The following TRIM3 variants were observed in gnomAD, a reference collection of about 807,000 sequenced individuals.
TRIM3 encodes tripartite motif-containing protein 3.
TRIM3 carries 13 observed loss-of-function variants against 66.6 expected under a neutral mutation model. That is an observed-to-expected ratio of 0.20 (90% confidence interval 0.13 to 0.31). The LOEUF (loss-of-function observed/expected upper bound fraction) is 0.31. Among genes scored for constraint, TRIM3 ranks in the 10% least tolerant of loss-of-function variants. TRIM3 has a pLI of 1.00. For missense variants in TRIM3, 711 were observed against 1,020.4 expected, an observed-to-expected ratio of 0.70 and a Z score of 4.13; for synonymous variants, 406 against 411.7, an observed-to-expected ratio of 0.99 and a Z score of 0.17.
rs144485396 is a variant in TRIM3 at position 6,457,796 on chromosome 11, G to C, written c.415C>G (p.Arg139Gly). 1.2e-6 allele frequency: 2 copies of C among 1,614,146 alleles called. No individual in the cohort carries two copies. The highest frequency in any genetic ancestry group is 1.7e-6 in the Non-Finnish European group (2 of 1,180,018). ...ACETAMCGECRAGEHREHGTV... is the reference protein window; with the variant it reads ...ACETAMCGECGAGEHREHGTV... ...CCATGCTCACGATGCTCCCCGGCGC[G>C]GCACTCACCACACATGGCCGTCTCA... Residue 139 changes from arginine (R) to glycine (G), a missense_variant, in exon 4 of 12, where the codon CGC becomes GGC. Physicochemically the swap from Arg to Gly is moderately radical, Grantham distance 125. Around this residue, in one of 3 missense-constraint regions of TRIM3, gnomAD observed 149 missense variants for 240.3 expected, o/e 0.62. Coordinates refer to ENST00000345851, the MANE Select transcript of TRIM3 (RefSeq NM_033278.4). The surrounding 1 kb of genome is among the most constrained non-coding windows in gnomAD (Gnocchi z 4.5).
rs1849641312 is a variant in TRIM3 at position 6,449,672 on chromosome 11, A to G, written c.1942-226T>C. 2.1e-6 allele frequency: 1 copy of G among 468,984 alleles called. No homozygotes were observed. The highest frequency in any genetic ancestry group is 3.7e-5 in the Admixed American group (1 of 26,768). 29.1% of individuals were successfully genotyped at this position (468,984 alleles called of 1,614,324 possible). A position where few individuals can be genotyped will look rare whatever the true frequency, so the allele number is the denominator to read the frequency against. ...ATCTAACAGCTCATTTTCTTTGGGA[A>G]ATCAGTTCTCTTAGTTCTCTATCTC... On this transcript the variant is annotated intron_variant, in intron 10 of 11. Coordinates refer to ENST00000345851, the MANE Select transcript of TRIM3 (RefSeq NM_033278.4). The surrounding 1 kb of genome is among the most constrained non-coding windows in gnomAD (Gnocchi z 5.3).
Position 6,450,193 on chromosome 11 carries a change from T to C in TRIM3, c.1941+358A>G. ...CCTTCCATTTAATTCCCACTTGTGC[T>C]TGAGGTCCTCCTCATATAGTCTTTC... On this transcript the variant is annotated intron_variant, in intron 10 of 11. Transcript: ENST00000345851. This position sits in a 1 kb window ranked among gnomAD's most constrained non-coding sequence, Gnocchi z 4.8. 4.6e-6 allele frequency: 1 copy of C among 219,688 alleles called. No individual in the cohort carries two copies. Among genetic ancestry groups the C allele is most frequent in the Non-Finnish European group, 9.0e-6 (1 of 110,728 alleles). The allele number at this position is 219,688 out of a possible 1,614,324, so 13.6% of individuals were successfully genotyped here.
In TRIM3 at chr11:6,458,074, A is replaced by G. The variant is rs1850074244; in HGVS notation, c.354T>C (p.His118=). Residue 118 remains histidine (H), a synonymous_variant, in exon 3 of 12, where the codon CAT becomes CAC. Coordinates refer to ENST00000345851, the MANE Select transcript of TRIM3 (RefSeq NM_033278.4). This position sits in a 1 kb window ranked among gnomAD's most constrained non-coding sequence, Gnocchi z 6.2. ...CCTCGCTTGGGCCCACCTTGCCTTC[A>G]TGGTTGGGGCAGGAGAGAGGGCGGC... The part of the protein sequence containing the change: ...VAGRPLSCPN[H]EGKTMEFYCE... 2.5e-6 allele frequency: 4 copies of G among 1,602,874 alleles called. No homozygotes were observed. The highest frequency in any genetic ancestry group is 3.4e-6 in the Non-Finnish European group (4 of 1,174,424).
chr11:6,462,580 A>C (rs1250503414), intron 2 of TRIM3, among the ~76,000 whole-genome samples: 3 of 151,648 alleles, frequency 2.0e-5, no homozygotes, highest in Non-Finnish European at 4.4e-5. Flanking sequence ...GCTAATTTTT[A>C]AATTCTTTTT....
chr11:6,466,333 C>A (rs1263614692), intron 1 of TRIM3, among the ~76,000 whole-genome samples: 1 of 152,198 alleles, frequency 6.6e-6, no homozygotes, highest in Non-Finnish European at 1.5e-5. Flanking sequence ...TTCAGGCAAC[C>A]ATCTGTTCTC....
Position 6,456,694 on chromosome 11 carries a change from A to G in TRIM3, c.1032T>C (p.Thr344=). The G allele has an allele frequency of 6.2e-7, 1 of 1,606,506 alleles. No homozygotes were observed. The highest frequency in any genetic ancestry group is 1.7e-4 in the Middle Eastern group (1 of 6,052). Residue 344 remains threonine (T), a synonymous_variant, in exon 6 of 12, where the codon ACT becomes ACC. Coordinates refer to ENST00000345851, the MANE Select transcript of TRIM3 (RefSeq NM_033278.4). The surrounding 1 kb of genome is among the most constrained non-coding windows in gnomAD (Gnocchi z 6.4). ...QALVGQPASL[T]VTTKDKDGRL... is the part of the protein sequence containing the mutation. Reference sequence around the variant, plus strand: ...GCCCGTCCTTGTCTTTGGTAGTGACAGTGAGCGAGGCAGGCTGGCCCACTA... The same window carrying G: ...GCCCGTCCTTGTCTTTGGTAGTGACGGTGAGCGAGGCAGGCTGGCCCACTA...
At chr11:6,470,364 G>A (rs1036519989) in intron 1 of TRIM3, among the ~76,000 whole-genome samples, 2 of 152,216 alleles carry the variant, frequency 1.3e-5, no homozygotes, top group Non-Finnish European at 2.9e-5. Flanking sequence ...TGGATGAGAG[G>A]GTGATAAGTT....
chr11:6,471,441 C>T (rs1427400178), intron 1 of TRIM3, among the ~76,000 whole-genome samples: 1 of 152,164 alleles, frequency 6.6e-6, no homozygotes, highest in African/African-American at 2.4e-5. Flanking sequence ...GCCAATGAAT[C>T]CTTTAAATAA....
intron 2 of TRIM3, among the ~76,000 whole-genome samples, chr11:6,459,215 T>C (rs1271884646): frequency 1.3e-5 from 2 of 152,148 alleles, no homozygotes; most frequent in African/African-American, 2.4e-5. Flanking sequence ...AGAAGCAGCA[T>C]AGTATGAATA....
At chr11:6,452,670 A>T (rs1849779484) in intron 7 of TRIM3, 1 of 152,252 alleles carries the variant, frequency 6.6e-6, no homozygotes, top group Non-Finnish European at 1.5e-5. Context: ...CCCCTGTGGC[A>T]GGACAGCACT....
chr11:6,460,960 C>T (rs1267716657), intron 2 of TRIM3, among the ~76,000 whole-genome samples: 1 of 121,646 alleles, frequency 8.2e-6, no homozygotes, highest in African/African-American at 3.3e-5. Flanking sequence ...GGTGTGAGTG[C>T]AGTAGCACAA....
Position 6,451,016 on chromosome 11 carries a change from G to A in TRIM3, c.1746C>T (p.Ala582=), listed in dbSNP as rs146779434. The change falls in exon 9 of 12, where the codon GCC becomes GCT. Residue 582 remains alanine, a synonymous_variant. Transcript: ENST00000345851. ...AGRLMGPKGV[A]VDRNGHIIVV... is the part of the protein sequence containing the mutation. ...CAATGATATGTCCATTCCGGTCTAC[G>A]GCCACTCCCTTGGGGCCCATGAGGC... The A allele has an allele frequency of 9.5e-5, 153 of 1,614,138 alleles. No individual in the cohort carries two copies. Among genetic ancestry groups the A allele is most frequent in the Admixed American group, 1.7e-4 (10 of 60,032 alleles).
chr11:6,456,441 C>T lies in TRIM3; in HGVS notation c.1285G>A (p.Asp429Asn). Residue 429 changes from aspartate (D) to asparagine (N), a missense_variant, in exon 6 of 12, where the codon GAC becomes AAC. Coordinates refer to ENST00000345851, the MANE Select transcript of TRIM3 (RefSeq NM_033278.4). The surrounding 1 kb of genome is among the most constrained non-coding windows in gnomAD (Gnocchi z 6.4). Reference protein sequence around the residue: ...LRPGDLPPSPDDVKRRVKSPG... With the variant: ...LRPGDLPPSPNDVKRRVKSPG... ...GACTTGACACGGCGCTTCACATCGT[C>T]CGGGGAAGGTGGCAGGTCCCCCGGA... 1 of 1,537,754 alleles carries T rather than the reference C, an allele frequency of 6.5e-7. No individual in the cohort carries two copies. The highest frequency in any genetic ancestry group is 8.8e-7 in the Non-Finnish European group (1 of 1,139,730).
intron 1 of TRIM3, among the ~76,000 whole-genome samples, chr11:6,466,231 C>T (rs554127860): frequency 2.0e-5 from 3 of 152,286 alleles, no homozygotes; most frequent in African/African-American, 4.8e-5. Context: ...CCTGAAACTG[C>T]ACTCTTTTTC....
Position 6,449,217 on chromosome 11 carries a change from T to C in TRIM3, c.2083-37A>G. ...GTGCAGAAAGGAGGGAGAGGCAAGA[T>C]CAGGCAGATGAGAGTCTGTTTTGGG... On this transcript the variant is annotated intron_variant, in intron 11 of 11. Transcript: ENST00000345851. This position sits in a 1 kb window ranked among gnomAD's most constrained non-coding sequence, Gnocchi z 5.3. 6.2e-7 allele frequency: 1 copy of C among 1,611,386 alleles called. No individual in the cohort carries two copies. Among genetic ancestry groups the C allele is most frequent in the Non-Finnish European group, 8.5e-7 (1 of 1,177,694 alleles).
intron 1 of TRIM3, among the ~76,000 whole-genome samples, chr11:6,466,742 T>C (rs1356770597): frequency 2.0e-5 from 3 of 152,072 alleles, no homozygotes; most frequent in African/African-American, 7.2e-5. Context: ...GGTCCCCATA[T>C]AAATGTCACC....
Position 6,448,989 on chromosome 11 carries a change from T to C in TRIM3, c.*39A>G. 6.2e-7 allele frequency: 1 copy of C among 1,609,596 alleles called. No homozygotes were observed. Among genetic ancestry groups the C allele is most frequent in the Non-Finnish European group, 8.5e-7 (1 of 1,176,242 alleles). ...AGACCCTCTTGTCCAATCACCCCAA[T>C]GTCTGTCCCTCCACAAGCCAGGCAG... On this transcript the variant is annotated 3_prime_UTR_variant, in exon 12 of 12. Transcript: ENST00000345851.
At chr11:6,451,198 G>A in intron 8 of TRIM3, 73 bp downstream of exon 8, 1 of 1,595,970 alleles carries the variant, frequency 6.3e-7, no homozygotes, top group Middle Eastern at 1.7e-4. Flanking sequence ...TCCAGACCCT[G>A]ACCACCAAGA....
At position 6,458,588 on chromosome 11, in the gene TRIM3, G is replaced by A. The variant is rs1481213656; in HGVS notation, c.132-292C>T. ...GTTTACAAATGCTTCTCATAGGAAT[G>A]TGCAACTAGGCACCCCCTGCCCAAC... On this transcript the variant is annotated intron_variant, in intron 2 of 11. Coordinates refer to ENST00000345851, the MANE Select transcript of TRIM3 (RefSeq NM_033278.4). The surrounding 1 kb of genome is among the most constrained non-coding windows in gnomAD (Gnocchi z 6.2). Among the ~76,000 whole-genome samples, 1 of 152,166 alleles carries A rather than the reference G, an allele frequency of 6.6e-6. No individual in the cohort carries two copies.
Sources: gnomAD v4.1 joint callset for allele counts (sites outside exome capture counted in the v4.1 genomes callset) on GRCh38, gnomAD v4.1.1 for gene constraint, gnomAD v4.1.1 regional missense constraint, Gnocchi (gnomAD v3.1) non-coding constraint, MANE v1.5 for transcripts, NCBI Gene and HGNC (gene_info 2026-07-23, HGNC 2026-07-21) for gene names.